The following ZNF878 variants were observed in gnomAD, a reference collection of about 807,000 sequenced individuals.
ZNF878 encodes zinc finger protein 878.
In ZNF878, 10 loss-of-function variants were observed where a neutral mutation model predicts 11.1. The observed-to-expected ratio is 0.90, with a 90% CI of 0.56 to 1.53. ZNF878 has a LOEUF of 1.53. Ranked by LOEUF, ZNF878 falls within the 40% of genes most tolerant of loss-of-function variation. The probability of loss-of-function intolerance (pLI) is 0.00; values close to 1 mark genes in which losing one functional copy is unlikely to be tolerated. For synonymous variants in ZNF878, 165 were observed against 209.7 expected, an observed-to-expected ratio of 0.79 and a Z score of 1.84; for missense variants, 548 against 626.1, an observed-to-expected ratio of 0.88 and a Z score of 1.33.
At chr19:12,048,460 G>A (rs1035238015) in intron 1 of ZNF878, among the ~76,000 whole-genome samples, 1 of 151,158 alleles carries the variant, frequency 6.6e-6, no homozygotes, top group African/African-American at 2.4e-5. Context: ...GGAGCTTGCA[G>A]TGAGCCAAGA....
intron 3 of ZNF878, chr19:12,045,982 G>A (rs1975480433): frequency 6.1e-6 from 1 of 163,506 alleles, no homozygotes; most frequent in Admixed American, 6.1e-5. Context: ...GCCTTCCAAA[G>A]TGCTGGGATT....
chr19:12,052,227 A>G (rs1482027539), intron 1 of ZNF878, among the ~76,000 whole-genome samples: 6 of 152,132 alleles, frequency 3.9e-5, no homozygotes, highest in African/African-American at 7.2e-5. Context: ...TGCTTACTCC[A>G]GACTTCGCGG....
intron 3 of ZNF878, 31 bp from the exon 4 acceptor site, chr19:12,045,240 T>C: frequency 6.0e-6 from 9 of 1,500,802 alleles, no homozygotes; most frequent in Non-Finnish European, 8.1e-6. Flanking sequence ...TTATAATGGG[T>C]TTATCACTAA....
chr19:12,052,613 G>A (rs1402218994), intron 1 of ZNF878, among the ~76,000 whole-genome samples, 186 bp downstream of exon 1: 2 of 152,164 alleles, frequency 1.3e-5, no homozygotes, highest in Non-Finnish European at 1.5e-5. Context: ...CAGGACGCCC[G>A]GGGTCCCGGC....
chr19:12,044,618 A>G lies in ZNF878; in HGVS notation c.783T>C (p.Asp261=), dbSNP rs753104457. ...AGGAACTGGGACAATTGAAGGCTTTATCACATTGCTTGCATTTATAGCGTT... is the reference window on the plus strand; with the variant it reads ...AGGAACTGGGACAATTGAAGGCTTTGTCACATTGCTTGCATTTATAGCGTT... ...GEKRYKCKQC[D]KAFNCPSSFQ... is the part of the protein sequence containing the mutation. The change falls in exon 4 of 4, where the codon GAT becomes GAC. Residue 261 remains aspartate (D), a synonymous_variant. Coordinates refer to ENST00000547628, the MANE Select transcript of ZNF878 (RefSeq NM_001080404.3). The G allele has an allele frequency of 4.6e-5, 75 of 1,613,726 alleles. No individual in the cohort carries two copies. The East Asian group carries it at 1.6e-3, about 35-fold the overall frequency.
Position 12,045,052 on chromosome 19 carries a change from G to A in ZNF878, c.349C>T (p.Leu117Phe), listed in dbSNP as rs773422889. The A allele has an allele frequency of 6.2e-7, 1 of 1,613,988 alleles. No homozygotes were observed. The highest frequency in any genetic ancestry group is 8.5e-7 in the Non-Finnish European group (1 of 1,179,950). Residue 117 changes from leucine (L) to phenylalanine (F), a missense_variant, in exon 4 of 4, where the codon CTT becomes TTT. Physicochemically the swap from Leu to Phe is conservative, Grantham distance 22. Transcript: ENST00000547628. ...CTAAAGGCTCTGAGGTGCCTATTAA[G>A]GGATGAAAGACCTATGCCGATTTCT... ...CGEIGIGLSS[L>F]NRHLRAFSYS... is the part of the protein sequence containing the mutation.
Position 12,044,302 on chromosome 19 carries a change from A to G in ZNF878, c.1099T>C (p.Phe367Leu), listed in dbSNP as rs747496262. The G allele has an allele frequency of 2.4e-5, 38 of 1,612,780 alleles. No individual in the cohort carries two copies. The highest frequency in any genetic ancestry group is 3.1e-5 in the Non-Finnish European group (37 of 1,179,174). ...HERTHTGEKPFECKQCGKTFT... is the reference protein window; with the variant it reads ...HERTHTGEKPLECKQCGKTFT... Reference sequence around the variant, plus strand: ...GTTTTCCCACATTGTTTACATTCAAAGGGTTTCTCTCCAGTGTGTGTCCTT... The same window carrying G: ...GTTTTCCCACATTGTTTACATTCAAGGGGTTTCTCTCCAGTGTGTGTCCTT... Residue 367 changes from phenylalanine (F) to leucine (L), a missense_variant, in exon 4 of 4, where the codon TTT becomes CTT. Transcript: ENST00000547628.
rs895516759 is a variant in ZNF878 at position 12,044,252 on chromosome 19, G to C, written c.1149C>G (p.His383Gln). Residue 383 changes from histidine to glutamine, a missense_variant, in exon 4 of 4, where the codon CAC becomes CAG. Physicochemically the swap from His to Gln is conservative, Grantham distance 24. This residue lies in a region of ZNF878 where 335 missense variants were observed against 358.2 expected (regional missense o/e 0.94). Coordinates refer to ENST00000547628, the MANE Select transcript of ZNF878 (RefSeq NM_001080404.3). Reference protein sequence around the residue: ...GKTFTSSNSFHYHERTHTGEK... With the variant: ...GKTFTSSNSFQYHERTHTGEK... ...CTCCAGTGTGAGTCCTTTCATGATA[G>C]TGAAAGGAATTGGAAGAAGTGAAGG... 1.2e-6 allele frequency: 2 copies of C among 1,609,160 alleles called. No individual in the cohort carries two copies. Among genetic ancestry groups the C allele is most frequent in the South Asian group, 2.2e-5 (2 of 90,768 alleles).
chr19:12,043,742 G>A (rs143428742), downstream of ZNF878: 179 of 1,417,514 alleles, frequency 1.3e-4, 1 homozygote, highest in South Asian at 1.8e-3. Context: ...GAATCCTTCC[G>A]TGCATTTGAA....
At chr19:12,048,059 G>A (rs1409384124) in intron 1 of ZNF878, among the ~76,000 whole-genome samples, 1 of 152,140 alleles carries the variant, frequency 6.6e-6, no homozygotes, top group Non-Finnish European at 1.5e-5. Flanking sequence ...AAATGCATAA[G>A]TAAACTGGGC....
At position 12,045,215 on chromosome 19, in the gene ZNF878, A is replaced by T; in HGVS notation, c.192-6T>A. ...GTCTCTCCCCTATAAGTCTTCTGTG[A>T]ACAATGAAAGCACATTATAATGGGT... On this transcript the variant is annotated splice_polypyrimidine_tract_variant and splice_region_variant and intron_variant, in intron 3 of 3. Coordinates refer to ENST00000547628, the MANE Select transcript of ZNF878 (RefSeq NM_001080404.3). The T allele has an allele frequency of 6.3e-7, 1 of 1,583,950 alleles. No individual in the cohort carries two copies.
chr19:12,049,069 G>A (rs1275860277), intron 1 of ZNF878, among the ~76,000 whole-genome samples: 1 of 150,582 alleles, frequency 6.6e-6, no homozygotes, highest in Admixed American at 6.6e-5. Context: ...CTTGAACCCA[G>A]GAGGCAGATG....
At chr19:12,049,069 G>C (rs1275860277) in intron 1 of ZNF878, among the ~76,000 whole-genome samples, 1 of 150,582 alleles carries the variant, frequency 6.6e-6, no homozygotes, top group Non-Finnish European at 1.5e-5. Context: ...CTTGAACCCA[G>C]GAGGCAGATG....
At chr19:12,046,219 T>C (rs1347614239) in intron 3 of ZNF878, 149 bp downstream of exon 3, 1 of 626,784 alleles carries the variant, frequency 1.6e-6, no homozygotes, top group Non-Finnish European at 2.7e-6. Flanking sequence ...ACATAAGCCA[T>C]GTCACACTTT....
Sources: allele counts gnomAD v4.1 joint callset (sites outside exome capture counted in the v4.1 genomes callset), GRCh38; gene constraint gnomAD v4.1.1; regional missense constraint gnomAD v4.1.1; transcripts MANE v1.5; gene names NCBI Gene and HGNC (gene_info 2026-07-23, HGNC 2026-07-21).